ALOX15B: variants seen among roughly 807,000 people sequenced by gnomAD.
ALOX15B encodes the protein arachidonate 15-lipoxygenase type B.
Under a neutral mutation model 73.8 loss-of-function variants are expected in ALOX15B, and 74 were observed. The observed-to-expected ratio is 1.00, with a 90% CI of 0.83 to 1.22. ALOX15B has a LOEUF of 1.22. Ranked by LOEUF, ALOX15B falls within the 50% of genes most tolerant of loss-of-function variation. The pLI, the probability that ALOX15B is intolerant of heterozygous loss-of-function variation, is 0.00. For missense variants in ALOX15B, 896 were observed against 859.9 expected (o/e 1.04, Z -0.52); for synonymous variants, 353 against 357.2 (o/e 0.99, Z 0.13).
chr17:8,047,302 C>A lies in ALOX15B; in HGVS notation c.1502C>A (p.Ser501Tyr). The A allele has an allele frequency of 1.2e-6, 2 of 1,614,140 alleles. No homozygotes were observed. Among genetic ancestry groups the A allele is most frequent in the Non-Finnish European group, 1.7e-6 (2 of 1,180,002 alleles). Residue 501 changes from serine to tyrosine, a missense_variant, in exon 11 of 14, where the codon TCT (serine) becomes TAT (tyrosine). Coordinates refer to ENST00000380183, the MANE Select transcript of ALOX15B (RefSeq NM_001141.3). Reference sequence around the variant, plus strand: ...GGTATCTACTACCCAAGTGATGAGTCTGTCCAAGATGACAGAGAGCTCCAG... The same window carrying A: ...GGTATCTACTACCCAAGTGATGAGTATGTCCAAGATGACAGAGAGCTCCAG... ...IIGIYYPSDE[S>Y]VQDDRELQAW...
chr17:8,047,366 C>T lies in ALOX15B; in HGVS notation c.1566C>T (p.Asn522=). The T allele has an allele frequency of 6.2e-7, 1 of 1,613,998 alleles. No homozygotes were observed. Among genetic ancestry groups the T allele is most frequent in the Non-Finnish European group, 8.5e-7 (1 of 1,179,966 alleles). Residue 522 remains asparagine, a synonymous_variant, in exon 11 of 14, where the codon AAC becomes AAT. Transcript: ENST00000380183. ...VREIFSKGFL[N]QESSGIPSSL... ...AGATCTTCTCCAAGGGCTTCCTAAA[C>T]CAGGAGAGCTCAGGTACAGGGACCT...
rs374735985 is a variant in ALOX15B at position 8,048,527 on chromosome 17, C to A, written c.1993C>A (p.Leu665Ile). The change falls in exon 14 of 14, where the codon CTA becomes ATA. Residue 665 changes from leucine (L) to isoleucine (I), a missense_variant. Coordinates refer to ENST00000380183, the MANE Select transcript of ALOX15B (RefSeq NM_001141.3). The part of the protein sequence containing the change: ...NQGLVLPYTY[L>I]DPPLIENSVS... ...GGGCCTGGTGCTGCCCTACACCTAC[C>A]TAGACCCTCCCCTCATCGAGAACAG... 2.5e-6 allele frequency: 4 copies of A among 1,613,976 alleles called. No homozygotes were observed. In the African/African-American group the frequency reaches 5.3e-5, roughly 22 times the overall value.
rs1214125676 is a variant in ALOX15B at position 8,046,765 on chromosome 17, T to C, written c.1287+11T>C. ...CAGGTGGTGGACAGGGTGAGAGCTG[T>C]GTTGGGGAGGGAGTAGGCAGGCCAC... On this transcript the variant is annotated intron_variant, in intron 9 of 13. Transcript: ENST00000380183. 6 of 1,613,470 alleles carry C rather than the reference T, an allele frequency of 3.7e-6. No homozygotes were observed. In the Admixed American group the frequency reaches 1.0e-4, roughly 27 times the overall value.
Position 8,045,489 on chromosome 17 carries a change from C to T in ALOX15B, c.1003C>T (p.Gln335Ter). The T allele has an allele frequency of 2.5e-6, 4 of 1,614,170 alleles. No homozygotes were observed. The highest frequency in any genetic ancestry group is 3.4e-6 in the Non-Finnish European group (4 of 1,180,036). The change falls in exon 8 of 14, where the codon CAG becomes TAG. Residue 335 changes from glutamine to a stop codon, truncating the protein, a stop_gained. Coordinates refer to ENST00000380183, the MANE Select transcript of ALOX15B (RefSeq NM_001141.3). LOFTEE classifies it high-confidence loss of function. ...CCCACCTGCCTCCCCCCAGCTCAGCCAGACCCCCGGCCCAAACAGCCCCAT... is the reference window on the plus strand; with the variant it reads ...CCCACCTGCCTCCCCCCAGCTCAGCTAGACCCCCGGCCCAAACAGCCCCAT... ...PLLPLAIQLS[Q>*]TPGPNSPIFL...
In ALOX15B at chr17:8,045,795, G is replaced by T. The variant is rs868631602; in HGVS notation, c.1200+109G>T. ...ATGCAAGCTGGGATGCAGAGCCCCCGTCCGCTTCAGCAGCATCTCCTGGCA... is the reference window on the plus strand; with the variant it reads ...ATGCAAGCTGGGATGCAGAGCCCCCTTCCGCTTCAGCAGCATCTCCTGGCA... On this transcript the variant is annotated intron_variant, in intron 8 of 13. Transcript: ENST00000380183. 2.0e-5 allele frequency: 24 copies of T among 1,229,624 alleles called. No individual in the cohort carries two copies. In the Middle Eastern group the frequency reaches 1.1e-3, roughly 56 times the overall value. The allele number at this position is 1,229,624 out of a possible 1,614,324, so 76.2% of individuals were successfully genotyped here. A position where few individuals can be genotyped will look rare whatever the true frequency, so the allele number is the denominator to read the frequency against.
At chr17:8,043,351 C>T (rs1332347659) in intron 5 of ALOX15B, among the ~76,000 whole-genome samples, 2 of 152,092 alleles carry the variant, frequency 1.3e-5, no homozygotes, top group African/African-American at 4.8e-5. Context: ...AAGGATGGGC[C>T]GTGGGGGCAG....
rs1216468727 is a variant in ALOX15B, at chr17:8,046,544, C to G, written c.1201-124C>G. 85 of 956,902 alleles carry G rather than the reference C, an allele frequency of 8.9e-5. 3 individuals carry two copies. The South Asian group carries it at 9.8e-4, about 11-fold the overall frequency. 59.3% of individuals were successfully genotyped at this position (956,902 alleles called of 1,614,324 possible). A position where few individuals can be genotyped will look rare whatever the true frequency, so the allele number is the denominator to read the frequency against. ...CCAGGGCTCAGACCCCTGTCCCAGG[C>G]TGCCTCCTCTCATTCTTGTTGCCTC... On this transcript the variant is annotated intron_variant, in intron 8 of 13. Transcript: ENST00000380183.
At chr17:8,045,897 A>G (rs1197455899) in intron 8 of ALOX15B, among the ~76,000 whole-genome samples, 1 of 152,146 alleles carries the variant, frequency 6.6e-6, no homozygotes, top group Non-Finnish European at 1.5e-5. Context: ...TCTCGAAGGG[A>G]GATCAGGCAG....
At chr17:8,039,795 T>C (rs1444173563) in intron 2 of ALOX15B, 107 bp from the exon 3 acceptor site, 4 of 1,276,582 alleles carry the variant, frequency 3.1e-6, no homozygotes, top group South Asian at 1.3e-5. Context: ...ACTGTACTTA[T>C]GGGAGGAGGG....
chr17:8,039,535 C>A lies in ALOX15B; in HGVS notation c.297C>A (p.Gly99=), dbSNP rs150387943. ...CRWFQLTPPR[G]GHLLFPCYQW... is the part of the protein sequence containing the mutation. The stretch of plus-strand genomic sequence containing the variant: ...GGTTCCAGCTGACACCGCCGCGGGG[C>A]GGCCACCTCCTCTTCCCCTGCTACC... Residue 99 remains glycine (G), a synonymous_variant, in exon 2 of 14, where the codon GGC becomes GGA. Transcript: ENST00000380183. The A allele has an allele frequency of 1.8e-3, 2,702 of 1,537,298 alleles. 38 individuals carry two copies. The African/African-American group carries it at 0.033, about 19-fold the overall frequency.
intron 3 of ALOX15B, among the ~76,000 whole-genome samples, chr17:8,042,136 G>A (rs1375284827): frequency 1.3e-5 from 2 of 152,202 alleles, no homozygotes; most frequent in African/African-American, 4.8e-5. Context: ...CTCTAGTCAG[G>A]TGCTCAACTC....
intron 4 of ALOX15B, 107 bp from the exon 5 acceptor site, chr17:8,042,674 T>A: frequency 7.5e-7 from 1 of 1,338,844 alleles, no homozygotes; most frequent in Non-Finnish European, 1.0e-6. Context: ...AGTGACTACC[T>A]TGGGCCCGGA....
intron 3 of ALOX15B, among the ~76,000 whole-genome samples, chr17:8,040,559 AAAGG>A (rs1265870835): frequency 6.7e-6 from 1 of 148,346 alleles, no homozygotes; most frequent in African/African-American, 2.6e-5. Flanking sequence ...AGAAAAAAAA[AAAGG>A]AAGGAAGGAA....
chr17:8,043,814 A>G (rs1378398832), intron 5 of ALOX15B, among the ~76,000 whole-genome samples: 5 of 152,112 alleles, frequency 3.3e-5, no homozygotes, highest in African/African-American at 1.2e-4. Context: ...CACACCTGTA[A>G]TCCCAGCACT....
At chr17:8,047,436 C>A (rs1414669076) in intron 11 of ALOX15B, 57 bp downstream of exon 11, 3 of 1,607,256 alleles carry the variant, frequency 1.9e-6, no homozygotes, top group Admixed American at 1.7e-5. Context: ...GTGTCCCCCA[C>A]CCCCTGCAGA....
At position 8,045,360 on chromosome 17, in the gene ALOX15B, G is replaced by A. The variant is rs1717831909; in HGVS notation, c.972G>A (p.Gly324=). Residue 324 remains glycine, a synonymous_variant, in exon 7 of 14, where the codon GGG becomes GGA. Transcript: ENST00000380183. The part of the protein sequence containing the change: ...MTLLYQSPGC[G]PLLPLAIQLS... ...TGCTATACCAGAGCCCAGGCTGCGG[G>A]CCGCTGCTGCCTCTCGCCATCCAGG... 6.2e-7 allele frequency: 1 copy of A among 1,614,080 alleles called. No homozygotes were observed. The highest frequency in any genetic ancestry group is 8.5e-7 in the Non-Finnish European group (1 of 1,180,022).
chr17:8,039,238 G>C lies in ALOX15B; in HGVS notation c.83G>C (p.Gly28Ala). The C allele has an allele frequency of 6.2e-7, 1 of 1,606,686 alleles. No homozygotes were observed. Among genetic ancestry groups the C allele is most frequent in the Admixed American group, 1.7e-5 (1 of 59,046 alleles). ...GACAAAGTGTCTGTCAGCATCGTGG[G>C]GACCCGGGGAGAGAGCCCCCCACTG... ...TWDKVSVSIV[G>A]TRGESPPLPL... is the part of the protein sequence containing the mutation. The change falls in exon 1 of 14, where the codon GGG becomes GCG. Residue 28 changes from glycine (G) to alanine (A), a missense_variant. Gly to Ala is a moderately conservative substitution (Grantham distance 60, BLOSUM62 0). Coordinates refer to ENST00000380183, the MANE Select transcript of ALOX15B (RefSeq NM_001141.3).
intron 5 of ALOX15B, among the ~76,000 whole-genome samples, chr17:8,043,864 T>A (rs954921350): frequency 1.3e-5 from 2 of 151,850 alleles, no homozygotes; most frequent in Non-Finnish European, 2.9e-5. Flanking sequence ...AGGTCAGGAG[T>A]TTGAGACCAG....
chr17:8,044,043 C>A (rs766797717), intron 5 of ALOX15B, among the ~76,000 whole-genome samples: 1 of 146,084 alleles, frequency 6.8e-6, no homozygotes, highest in African/African-American at 2.6e-5. Context: ...CATTCCAGCC[C>A]GGGCAAGAGA....
Sources: allele counts gnomAD v4.1 joint callset (sites outside exome capture counted in the v4.1 genomes callset), GRCh38; gene constraint gnomAD v4.1.1; transcripts MANE v1.5; gene names NCBI Gene and HGNC (gene_info 2026-07-23, HGNC 2026-07-21).